DISC1: variants seen among roughly 807,000 people sequenced by gnomAD.
The protein encoded by DISC1 is disrupted in schizophrenia 1 protein.
A neutral mutation model predicts 84.5 loss-of-function variants in DISC1; 57 were observed. The observed-to-expected ratio is 0.67, with a 90% CI of 0.55 to 0.84. DISC1 has a LOEUF of 0.84. Among genes scored for constraint, DISC1 ranks in the 40% least tolerant of loss-of-function variants. The pLI is 0.00. For synonymous variants in DISC1, 411 were observed against 415.2 expected (o/e 0.99, Z 0.12); for missense variants, 1,000 against 1,057.8 (o/e 0.95, Z 0.76).
chr1:231,677,652 G>A (rs1379679421), intron 1 of DISC1, among the ~76,000 whole-genome samples: 1 of 152,224 alleles, frequency 6.6e-6, no homozygotes, highest in African/African-American at 2.4e-5. Context: ...AACTTGTTAC[G>A]GATCACCCAG....
chr1:231,714,974 T>A (rs1197324498), intron 3 of DISC1, among the ~76,000 whole-genome samples: 1 of 152,234 alleles, frequency 6.6e-6, no homozygotes, highest in East Asian at 1.9e-4. Context: ...TATTTTAAAA[T>A]GATCACACCA....
At chr1:231,799,361 A>G (rs545660216) in intron 7 of DISC1, among the ~76,000 whole-genome samples, 4 of 152,072 alleles carry the variant, frequency 2.6e-5, no homozygotes, top group Non-Finnish European at 5.9e-5. Context: ...CTTCATCTCA[A>G]TGGCCATATC....
At chr1:231,933,350 T>A (rs891440712) in intron 9 of DISC1, among the ~76,000 whole-genome samples, 2 of 152,200 alleles carry the variant, frequency 1.3e-5, no homozygotes, top group Non-Finnish European at 2.9e-5. Context: ...GAGCTTTGGG[T>A]TTTTGCTTTG....
chr1:231,841,984 A>G (rs574305341), intron 9 of DISC1, among the ~76,000 whole-genome samples: 103 of 152,142 alleles, frequency 6.8e-4, no homozygotes, highest in African/African-American at 2.4e-3. Context: ...CCTCTGTGCC[A>G]GTTTTTCTCG....
In DISC1 at chr1:231,787,066, G is replaced by A. The variant is rs1054311220; in HGVS notation, c.1635-8176G>A. The stretch of plus-strand genomic sequence containing the variant: ...CCTGGATCTAAAGCAAGTATTGGAA[G>A]TATTACTAAGAGAGGGTGTGGATTT... On this transcript the variant is annotated intron_variant, in intron 6 of 12. Coordinates refer to ENST00000439617, the MANE Select transcript of DISC1 (RefSeq NM_018662.3). Among the ~76,000 whole-genome samples, 7 of 152,200 alleles carry A rather than the reference G, an allele frequency of 4.6e-5. 1 individual carries two copies. Among genetic ancestry groups the A allele is most frequent in the African/African-American group, 1.7e-4 (7 of 41,454 alleles).
chr1:231,975,622 A>G (rs1035068206), intron 10 of DISC1, among the ~76,000 whole-genome samples: 3 of 152,246 alleles, frequency 2.0e-5, no homozygotes, highest in South Asian at 2.1e-4. Context: ...CATAAAATGC[A>G]TAAAATACAA....
intron 1 of DISC1, among the ~76,000 whole-genome samples, chr1:231,683,301 G>GCCC (rs1264347624): frequency 2.6e-5 from 4 of 151,974 alleles, no homozygotes; most frequent in Non-Finnish European, 5.9e-5. Context: ...AGTCCTGACT[G>GCCC]CCTCCTAGAA....
intron 6 of DISC1, among the ~76,000 whole-genome samples, chr1:231,787,516 T>TC (rs146481000): frequency 6.6e-6 from 1 of 152,076 alleles, no homozygotes; most frequent in Middle Eastern, 3.4e-3. Context: ...AGGAACCCAC[T>TC]CCCCCAGTAA....
chr1:231,982,143 T>C (rs1663693413), intron 10 of DISC1, among the ~76,000 whole-genome samples: 1 of 152,160 alleles, frequency 6.6e-6, no homozygotes, highest in African/African-American at 2.4e-5. Flanking sequence ...GTAAGGCCAA[T>C]TTTTTCTTTA....
intron 10 of DISC1, among the ~76,000 whole-genome samples, chr1:231,975,675 C>T (rs954197881): frequency 6.6e-6 from 1 of 152,154 alleles, no homozygotes; most frequent in African/African-American, 2.4e-5. Flanking sequence ...TCATTTGCAG[C>T]AACATGGATA....
At chr1:231,869,914 A>C (rs2085336372) in intron 9 of DISC1, among the ~76,000 whole-genome samples, 1 of 152,160 alleles carries the variant, frequency 6.6e-6, no homozygotes, top group Non-Finnish European at 1.5e-5. Flanking sequence ...AATTCTTACT[A>C]TCCTTTAGAC....
At chr1:231,647,000 C>T (rs2060193765) in intron 1 of DISC1, among the ~76,000 whole-genome samples, 1 of 152,064 alleles carries the variant, frequency 6.6e-6, no homozygotes, top group Non-Finnish European at 1.5e-5. Context: ...AAATTTTCTC[C>T]CATTCTATAG....
chr1:231,810,362 A>T (rs984071873), intron 8 of DISC1, among the ~76,000 whole-genome samples: 1 of 152,206 alleles, frequency 6.6e-6, no homozygotes, highest in Non-Finnish European at 1.5e-5. Context: ...GGGAGCATCA[A>T]CTCAATCGCT....
intron 9 of DISC1, among the ~76,000 whole-genome samples, chr1:231,850,875 CAGT>C: frequency 6.6e-6 from 1 of 152,304 alleles, no homozygotes. Context: ...AACCAGCCTT[CAGT>C]AGAAGTGGGA....
chr1:231,664,876 G>A (rs1250274994), intron 1 of DISC1, among the ~76,000 whole-genome samples: 6 of 149,672 alleles, frequency 4.0e-5, no homozygotes, highest in East Asian at 2.0e-4. Flanking sequence ...GAAAAAACTC[G>A]CAGACAAACC....
chr1:231,994,162 G>A (rs899377447), intron 10 of DISC1, among the ~76,000 whole-genome samples: 1 of 152,236 alleles, frequency 6.6e-6, no homozygotes, highest in African/African-American at 2.4e-5. Flanking sequence ...GGTCTTGCCT[G>A]GGCATTTCTC....
chr1:231,724,155 C>A, intron 3 of DISC1: 3 of 482,010 alleles, frequency 6.2e-6, no homozygotes, highest in Non-Finnish European at 8.1e-6. Context: ...TTTGCATGCT[C>A]AATTGTCATA....
intron 9 of DISC1, among the ~76,000 whole-genome samples, chr1:231,869,245 A>G (rs1212825941): frequency 6.6e-6 from 1 of 152,132 alleles, no homozygotes; most frequent in African/African-American, 2.4e-5. Flanking sequence ...AAGATATACA[A>G]CCACCGGGGA....
chr1:231,917,746 C>T lies in DISC1; in HGVS notation c.1982-41082C>T, dbSNP rs771482113. On this transcript the variant is annotated intron_variant, in intron 9 of 12. Transcript: ENST00000439617. ...GAGCCTGCCCCTCACTGTTCTTCCC[C>T]GCCTTAAAGGACATAATCTAACCTC... 8.5e-5 allele frequency among the ~76,000 whole-genome samples: 13 copies of T among 152,164 alleles called. 1 individual carries two copies. The highest frequency in any genetic ancestry group is 1.9e-4 in the East Asian group (1 of 5,190).
Sources: allele counts gnomAD v4.1 joint callset (sites outside exome capture counted in the v4.1 genomes callset), GRCh38; gene constraint gnomAD v4.1.1; transcripts MANE v1.5; gene names NCBI Gene and HGNC (gene_info 2026-07-23, HGNC 2026-07-21).